The following SCUBE2 variants were observed in gnomAD, a reference collection of about 807,000 sequenced individuals.
SCUBE2 encodes the protein signal peptide, CUB domain and EGF like domain containing 2, also known as signal peptide, CUB and EGF-like domain-containing protein 2.
SCUBE2 carries 114 observed loss-of-function variants against 125.9 expected under a neutral mutation model. The observed-to-expected ratio is 0.91, with a 90% CI of 0.78 to 1.06. The LOEUF (loss-of-function observed/expected upper bound fraction) is 1.06. Ranked by LOEUF, SCUBE2 falls within the 50% of genes least tolerant of loss-of-function variation. The pLI, the probability that SCUBE2 is intolerant of heterozygous loss-of-function variation, is 0.00. For missense variants in SCUBE2, 1,255 were observed against 1,301.8 expected, an observed-to-expected ratio of 0.96 and a Z score of 0.55; for synonymous variants, 459 against 492.9, an observed-to-expected ratio of 0.93 and a Z score of 0.91.
Position 9,059,376 on chromosome 11 carries a change from T to G in SCUBE2, c.1017A>C (p.Lys339Asn). ...CGCAGTCAAAACTGCCCACGATGTTTTTGCAGAAATGATCACAACCTCCAT... is the reference window on the plus strand; with the variant it reads ...CGCAGTCAAAACTGCCCACGATGTTGTTGCAGAAATGATCACAACCTCCAT... ...TRNGGCDHFC[K>N]NIVGSFDCGC... Residue 339 changes from lysine to asparagine, a missense_variant, in exon 9 of 23, where the codon AAA (lysine) becomes AAC (asparagine). By Grantham distance (94) the Lys-to-Asn change is moderately conservative (BLOSUM62 0). This residue lies in a region of SCUBE2 where 378 missense variants were observed against 463.1 expected (regional missense o/e 0.82). Coordinates refer to ENST00000649792, the MANE Select transcript of SCUBE2 (RefSeq NM_001367977.2). 1.9e-6 allele frequency: 3 copies of G among 1,614,228 alleles called. No homozygotes were observed. The highest frequency in any genetic ancestry group is 2.5e-6 in the Non-Finnish European group (3 of 1,180,042).
chr11:9,028,654 A>G (rs944193120), intron 19 of SCUBE2, among the ~76,000 whole-genome samples: 1 of 152,166 alleles, frequency 6.6e-6, no homozygotes, highest in Non-Finnish European at 1.5e-5. Context: ...ACTGGGATTT[A>G]TTATTACTAG....
intron 19 of SCUBE2, among the ~76,000 whole-genome samples, chr11:9,028,462 T>C (rs955495002): frequency 1.3e-5 from 2 of 152,164 alleles, no homozygotes; most frequent in African/African-American, 2.4e-5. Flanking sequence ...CACAGACCCC[T>C]CCTTCACCCA....
chr11:9,029,713 T>A (rs1236933735), intron 19 of SCUBE2, among the ~76,000 whole-genome samples, 171 bp downstream of exon 19: 1 of 152,228 alleles, frequency 6.6e-6, no homozygotes, highest in Non-Finnish European at 1.5e-5. Context: ...CTCTGCACAG[T>A]CAGGCCCTGC....
At chr11:9,083,488 A>C (rs1861805295) in intron 2 of SCUBE2, among the ~76,000 whole-genome samples, 1 of 152,216 alleles carries the variant, frequency 6.6e-6, no homozygotes, top group African/African-American at 2.4e-5. Flanking sequence ...AACACATTAC[A>C]GATAATGAGC....
chr11:9,074,401 A>C, intron 4 of SCUBE2, 80 bp downstream of exon 4: 1 of 1,533,024 alleles, frequency 6.5e-7, no homozygotes, highest in Non-Finnish European at 8.9e-7. Context: ...CTTCCCCTCT[A>C]GAGTCAGTGT....
chr11:9,060,414 A>C lies in SCUBE2; in HGVS notation c.961T>G (p.Cys321Gly). 6.2e-7 allele frequency: 1 copy of C among 1,613,222 alleles called. No individual in the cohort carries two copies. Among genetic ancestry groups the C allele is most frequent in the Non-Finnish European group, 8.5e-7 (1 of 1,179,240 alleles). Residue 321 changes from cysteine (C) to glycine (G), a missense_variant, in exon 8 of 23, where the codon TGT becomes GGT. Physicochemically the swap from Cys to Gly is radical, Grantham distance 159. Coordinates refer to ENST00000649792, the MANE Select transcript of SCUBE2 (RefSeq NM_001367977.2). ...GFTLQLDGKT[C>G]KDIDECQTRN... ...CTGGGGAGGTGAAGGCTACCTTTACATGTCTTCCCATCCAACTGGAGAGTG... is the reference window on the plus strand; with the variant it reads ...CTGGGGAGGTGAAGGCTACCTTTACCTGTCTTCCCATCCAACTGGAGAGTG...
rs192268145 is a variant in SCUBE2 at position 9,081,187 on chromosome 11, T to C, written c.257-1678A>G. On this transcript the variant is annotated intron_variant, in intron 2 of 22. Transcript: ENST00000649792. The stretch of plus-strand genomic sequence containing the variant: ...ACGGCATAGCCACTTTGGACAAGAG[T>C]TTGGCAGTATCTTTTCTTTTCTTTC... Among the ~76,000 whole-genome samples the C allele has an allele frequency of 2.6e-5, 4 of 152,200 alleles. No individual in the cohort carries two copies. The East Asian group carries it at 7.7e-4, about 29-fold the overall frequency.
At chr11:9,043,271 C>CATAT (rs112178694) in intron 16 of SCUBE2, among the ~76,000 whole-genome samples, 2 of 152,052 alleles carry the variant, frequency 1.3e-5, no homozygotes, top group African/African-American at 4.8e-5. Context: ...TACATACATA[C>CATAT]ATATATACAC....
chr11:9,083,451 C>T (rs940176110), intron 2 of SCUBE2, among the ~76,000 whole-genome samples: 4 of 152,088 alleles, frequency 2.6e-5, no homozygotes, highest in African/African-American at 4.8e-5. Flanking sequence ...ATATCTCTCC[C>T]GTGTATTAGG....
intron 20 of SCUBE2, 33 bp from the exon 21 acceptor site, chr11:9,025,887 A>C (rs754756695): frequency 6.2e-7 from 1 of 1,605,692 alleles, no homozygotes; most frequent in Non-Finnish European, 8.5e-7. Context: ...GGTGGGGTTC[A>C]AGACTCATCA....
intron 16 of SCUBE2, among the ~76,000 whole-genome samples, chr11:9,039,966 C>A (rs1318354362): frequency 6.6e-6 from 1 of 152,216 alleles, no homozygotes; most frequent in East Asian, 1.9e-4. Flanking sequence ...GAACACCCGA[C>A]TGAAGGGCGT....
chr11:9,053,990 CTTTTTTTT>C (rs11474890), intron 10 of SCUBE2, among the ~76,000 whole-genome samples: 1 of 75,064 alleles, frequency 1.3e-5, no homozygotes, highest in Non-Finnish European at 2.4e-5. Context: ...AAGCTCCACT[CTTTTTTTT>C]TTTTTTTTTT....
intron 9 of SCUBE2, among the ~76,000 whole-genome samples, chr11:9,056,812 G>A (rs1859138425): frequency 6.6e-6 from 1 of 152,142 alleles, no homozygotes; most frequent in South Asian, 2.1e-4. Context: ...GACCAGTGCC[G>A]CACTCAGTCG....
In SCUBE2 at chr11:9,027,594, A is replaced by C. The variant is rs781476143; in HGVS notation, c.2504-33T>G. On this transcript the variant is annotated intron_variant, in intron 19 of 22. Transcript: ENST00000649792. ...AGGAGATGCCCCGAGTTATGGCACG[A>C]CACTGTCATCTCTGTCCTGACCACC... The C allele has an allele frequency of 6.3e-6, 10 of 1,585,110 alleles. No homozygotes were observed. The South Asian group carries it at 1.0e-4, about 16-fold the overall frequency.
At chr11:9,061,516 G>A (rs1424879309) in intron 7 of SCUBE2, among the ~76,000 whole-genome samples, 1 of 150,296 alleles carries the variant, frequency 6.7e-6, no homozygotes, top group African/African-American at 2.5e-5. Flanking sequence ...CCATGTTTGT[G>A]CCACTGCACT....
At chr11:9,077,543 G>A (rs1450858617) in intron 3 of SCUBE2, among the ~76,000 whole-genome samples, 2 of 152,204 alleles carry the variant, frequency 1.3e-5, no homozygotes, top group Non-Finnish European at 2.9e-5. Context: ...AGGAGGCTGA[G>A]GAGATTGAAG....
At chr11:9,090,647 T>C (rs1363093236) in intron 1 of SCUBE2, among the ~76,000 whole-genome samples, 3 of 151,964 alleles carry the variant, frequency 2.0e-5, no homozygotes, top group Non-Finnish European at 4.4e-5. Context: ...GCAGATGTCA[T>C]CCAGGGCTCT....
intron 5 of SCUBE2, among the ~76,000 whole-genome samples, chr11:9,067,622 A>G (rs1860371925): frequency 6.6e-6 from 1 of 152,244 alleles, no homozygotes; most frequent in Non-Finnish European, 1.5e-5. Context: ...GGAATATGGA[A>G]AAATTGAAAC....
At position 9,019,760 on chromosome 11, in the gene SCUBE2, T is replaced by C. The variant is rs979363903; in HGVS notation, c.*1285A>G. Among the ~76,000 whole-genome samples the C allele has an allele frequency of 1.3e-5, 2 of 152,338 alleles. No homozygotes were observed. The highest frequency in any genetic ancestry group is 4.1e-4 in the South Asian group (2 of 4,822). ...GGAGAATTGGCTGTGCATAGAATTG[T>C]TATTGAAATAACAAAACACTATAGT... is the stretch of plus-strand genomic sequence containing the variant. On this transcript the variant is annotated 3_prime_UTR_variant, in exon 23 of 23. Transcript: ENST00000649792.
Sources: allele counts gnomAD v4.1 joint callset (sites outside exome capture counted in the v4.1 genomes callset), GRCh38; gene constraint gnomAD v4.1.1; regional missense constraint gnomAD v4.1.1; transcripts MANE v1.5; gene names NCBI Gene and HGNC (gene_info 2026-07-23, HGNC 2026-07-21).